PTPRT: variants seen among roughly 807,000 people sequenced by gnomAD.
The protein encoded by PTPRT is protein tyrosine phosphatase receptor type T.
Under a neutral mutation model 176.8 loss-of-function variants are expected in PTPRT, and 56 were observed. The ratio of observed to expected loss-of-function variants is 0.32; its 90% CI spans 0.26 to 0.40. The LOEUF is 0.40. Ranked by LOEUF, PTPRT falls within the 10% of genes least tolerant of loss-of-function variation. The pLI is 1.00. For synonymous variants in PTPRT, 783 were observed against 739.0 expected (o/e 1.06, Z -0.96); for missense variants, 1,540 against 1,908.2 (o/e 0.81, Z 3.60).
chr20:42,038,978 C>T, the PTPRT span, among the ~76,000 whole-genome samples: 1 of 152,118 alleles, frequency 6.6e-6, no homozygotes, highest in Admixed American at 6.5e-5. Flanking sequence ...CCCGATACTT[C>T]CTATTCTTGC....
intron 1 of PTPRT, among the ~76,000 whole-genome samples, chr20:42,897,388 A>G (rs906978874): frequency 6.6e-6 from 1 of 152,150 alleles, no homozygotes; most frequent in Non-Finnish European, 1.5e-5. Context: ...TGAAAACAAC[A>G]AAGGTGGAAG....
intron 2 of PTPRT, among the ~76,000 whole-genome samples, chr20:42,850,016 T>C (rs933143765): frequency 6.6e-6 from 1 of 152,104 alleles, no homozygotes; most frequent in African/African-American, 2.4e-5. Flanking sequence ...AGCCAAGGGG[T>C]TCTCAACTTT....
intron 7 of PTPRT, among the ~76,000 whole-genome samples, chr20:42,548,626 G>A (rs2072715769): frequency 6.6e-6 from 1 of 151,992 alleles, no homozygotes; most frequent in Non-Finnish European, 1.5e-5. Context: ...AAAGCACTGA[G>A]GAATTTTATT....
intron 1 of PTPRT, among the ~76,000 whole-genome samples, chr20:42,893,706 T>C (rs1356600869): frequency 6.6e-6 from 1 of 151,762 alleles, no homozygotes; most frequent in African/African-American, 2.4e-5. Flanking sequence ...TTCATGTCCT[T>C]TGTAGGGACA....
At chr20:42,894,006 TATA>T (rs1320298706) in intron 1 of PTPRT, among the ~76,000 whole-genome samples, 5 of 150,450 alleles carry the variant, frequency 3.3e-5, no homozygotes, top group Admixed American at 6.7e-5. Context: ...AAACTTAAGG[TATA>T]ATAATAATAA....
At chr20:43,118,517 G>A (rs948510853) in intron 1 of PTPRT, among the ~76,000 whole-genome samples, 5 of 152,128 alleles carry the variant, frequency 3.3e-5, no homozygotes, top group Non-Finnish European at 7.3e-5. Flanking sequence ...TTGGCTCACT[G>A]CAACCTCCGC....
chr20:42,658,893 G>T (rs917731521), intron 7 of PTPRT, among the ~76,000 whole-genome samples: 1 of 152,030 alleles, frequency 6.6e-6, no homozygotes, highest in African/African-American at 2.4e-5. Context: ...TTGTTTTAAA[G>T]TGTGTTACTC....
In PTPRT at chr20:42,994,748, G is replaced by A. The variant is rs114383094; in HGVS notation, c.89-108816C>T. 1.9e-3 allele frequency among the ~76,000 whole-genome samples: 289 copies of A among 152,252 alleles called. 1 individual carries two copies. Among genetic ancestry groups the A allele is most frequent in the African/African-American group, 6.7e-3 (280 of 41,524 alleles). ...AACTTTAAAGAAATGTCCTCCTTGA[G>A]GCAGGTTCATCTGGCTATGCCCCAG... On this transcript the variant is annotated intron_variant, in intron 1 of 30. Coordinates refer to ENST00000373187, the MANE Select transcript of PTPRT (RefSeq NM_007050.6).
rs540366760 is a variant in PTPRT, at chr20:42,553,916, G to A, written c.1154-81354C>T. Among the ~76,000 whole-genome samples, 7 of 152,222 alleles carry A rather than the reference G, an allele frequency of 4.6e-5. 1 individual carries two copies. The highest frequency in any genetic ancestry group is 1.9e-4 in the East Asian group (1 of 5,168). On this transcript the variant is annotated intron_variant, in intron 7 of 30. Coordinates refer to ENST00000373187, the MANE Select transcript of PTPRT (RefSeq NM_007050.6). Reference sequence around the variant, plus strand: ...GTGGAGCTGATGGGTCTGAGCAACCGTTTGGTGAATGAATGGTAGCATCTA... The same window carrying A: ...GTGGAGCTGATGGGTCTGAGCAACCATTTGGTGAATGAATGGTAGCATCTA...
At chr20:42,675,355 G>A (rs771107657) in intron 7 of PTPRT, among the ~76,000 whole-genome samples, 18 of 152,190 alleles carry the variant, frequency 1.2e-4, no homozygotes, top group Non-Finnish European at 2.1e-4. Flanking sequence ...TCTTGGGGAT[G>A]GGACCCAAGT....
chr20:42,633,529 C>T (rs1027034271), intron 7 of PTPRT, among the ~76,000 whole-genome samples: 2 of 148,286 alleles, frequency 1.3e-5, no homozygotes, highest in Non-Finnish European at 3.0e-5. Context: ...GGAGCTATGG[C>T]TCACACCTGT....
At chr20:43,077,161 T>C (rs2011300203) in intron 1 of PTPRT, among the ~76,000 whole-genome samples, 1 of 152,080 alleles carries the variant, frequency 6.6e-6, no homozygotes, top group Admixed American at 6.6e-5. Flanking sequence ...CAGATTTGGG[T>C]CAAGAAAAAA....
At chr20:43,089,057 TG>T (rs1294347455) in intron 1 of PTPRT, among the ~76,000 whole-genome samples, 1 of 152,180 alleles carries the variant, frequency 6.6e-6, no homozygotes, top group Non-Finnish European at 1.5e-5. Context: ...TAATAGCAGC[TG>T]TTATTAATTG....
intron 15 of PTPRT, among the ~76,000 whole-genome samples, chr20:42,216,428 C>A (rs2867064): frequency 0.18 from 27,253 of 152,138 alleles, 2,680 homozygotes; most frequent in Non-Finnish European, 0.2. Context: ...GATCACAAGT[C>A]CTTCAAATCC....
At chr20:42,611,217 C>T (rs571568181) in intron 7 of PTPRT, among the ~76,000 whole-genome samples, 1 of 152,128 alleles carries the variant, frequency 6.6e-6, no homozygotes, top group African/African-American at 2.4e-5. Flanking sequence ...TGGAACTGTA[C>T]ATTTAACTTC....
intron 2 of PTPRT, among the ~76,000 whole-genome samples, chr20:42,812,608 A>G (rs2077715425): frequency 6.6e-6 from 1 of 152,092 alleles, no homozygotes; most frequent in Non-Finnish European, 1.5e-5. Context: ...TTGCACATTC[A>G]GTTATTTATT....
At chr20:42,083,371 A>G (rs1037659823) in intron 29 of PTPRT, among the ~76,000 whole-genome samples, 6 of 152,186 alleles carry the variant, frequency 3.9e-5, no homozygotes, top group African/African-American at 1.4e-4. Flanking sequence ...CTGGCAGGAA[A>G]CCAGCTGCTA....
chr20:42,235,870 G>C (rs1185704219), intron 15 of PTPRT, among the ~76,000 whole-genome samples: 1 of 152,210 alleles, frequency 6.6e-6, no homozygotes, highest in East Asian at 1.9e-4. Flanking sequence ...GGATTTAGAA[G>C]TTGCTAAGAC....
intron 9 of PTPRT, among the ~76,000 whole-genome samples, chr20:42,437,066 G>C (rs2059268402): frequency 6.6e-6 from 1 of 152,230 alleles, no homozygotes; most frequent in Non-Finnish European, 1.5e-5. Flanking sequence ...GGGTCAGGAA[G>C]ATGGGATGGG....
Sources: gnomAD v4.1 joint callset for allele counts (sites outside exome capture counted in the v4.1 genomes callset) on GRCh38, gnomAD v4.1.1 for gene constraint, MANE v1.5 for transcripts, NCBI Gene and HGNC (gene_info 2026-07-23, HGNC 2026-07-21) for gene names.